Variants in PLEKHA5 observed in about 807,000 individuals in gnomAD.
The protein encoded by PLEKHA5 is pleckstrin homology domain-containing family A member 5.
Under a neutral mutation model 181.9 loss-of-function variants are expected in PLEKHA5, and 55 were observed. The ratio of observed to expected loss-of-function variants is 0.30; its 90% confidence interval spans 0.24 to 0.38. The LOEUF (loss-of-function observed/expected upper bound fraction) is 0.38. Among genes scored for constraint, PLEKHA5 ranks in the 10% least tolerant of loss-of-function variants. The pLI, the probability that PLEKHA5 is intolerant of heterozygous loss-of-function variation, is 1.00. For missense variants in PLEKHA5, 1,432 were observed against 1,549.5 expected, an observed-to-expected ratio of 0.92 and a Z score of 1.27; for synonymous variants, 535 against 529.4, an observed-to-expected ratio of 1.01 and a Z score of -0.15.
At chr12:19,364,241 C>G (rs927558612) in intron 29 of PLEKHA5, among the ~76,000 whole-genome samples, 2 of 152,100 alleles carry the variant, frequency 1.3e-5, no homozygotes, top group Non-Finnish European at 2.9e-5. Context: ...GGTGCAGTGG[C>G]TCGTGCCTGA....
intron 20 of PLEKHA5, among the ~76,000 whole-genome samples, chr12:19,329,659 T>A (rs1163649971): frequency 6.6e-6 from 1 of 152,198 alleles, no homozygotes. Context: ...CCTTTGTATG[T>A]CTGTGGGATC....
At position 19,274,878 on chromosome 12, in the gene PLEKHA5, T is replaced by C. The variant is rs1442631916; in HGVS notation, c.1208T>C (p.Leu403Ser). 14 of 1,613,676 alleles carry C rather than the reference T, an allele frequency of 8.7e-6. No homozygotes were observed. Among genetic ancestry groups the C allele is most frequent in the Non-Finnish European group, 8.5e-7 (1 of 1,179,892 alleles). The stretch of plus-strand genomic sequence containing the variant: ...GGAAATCGCCCCAATACAGGGCCCT[T>C]ATACACAGAGGCCGATCGAGTCATA... ...RGGNRPNTGP[L>S]YTEADRVIQR... Residue 403 changes from leucine to serine, a missense_variant, in exon 11 of 32, where the codon TTA (leucine) becomes TCA (serine). Transcript: ENST00000429027.
intron 3 of PLEKHA5, among the ~76,000 whole-genome samples, chr12:19,147,596 CTT>C (rs71064060): frequency 0.011 from 1,482 of 137,550 alleles, 21 homozygotes; most frequent in African/African-American, 0.031. Flanking sequence ...TTTCTTTTTT[CTT>C]TTTTTTTTTT....
chr12:19,350,908 T>C (rs1161836500), intron 25 of PLEKHA5, among the ~76,000 whole-genome samples: 1 of 152,072 alleles, frequency 6.6e-6, no homozygotes, highest in African/African-American at 2.4e-5. Context: ...ATTTAATATT[T>C]ATACACCTTT....
At chr12:19,250,654 G>A (rs2152518110) in intron 3 of PLEKHA5, among the ~76,000 whole-genome samples, 1 of 152,148 alleles carries the variant, frequency 6.6e-6, no homozygotes, top group African/African-American at 2.4e-5. Context: ...GATTCTTCTA[G>A]AAATACAAAT....
rs754921323 is a variant in PLEKHA5, at chr12:19,274,733, C to T, written c.1063C>T (p.Leu355=). The T allele has an allele frequency of 1.9e-6, 3 of 1,613,916 alleles. No individual in the cohort carries two copies. The highest frequency in any genetic ancestry group is 2.5e-6 in the Non-Finnish European group (3 of 1,179,886). Residue 355 remains leucine (L), a synonymous_variant, in exon 11 of 32, where the codon CTG becomes TTG. Transcript: ENST00000429027. ...TKINSVKLNS[L]PSEYESGSAC... ...AATTAATAGTGTAAAGCTGAATTCT[C>T]TGCCATCTGAATATGAGAGTGGGTC...
At chr12:19,197,918 T>A (rs560346671) in intron 3 of PLEKHA5, among the ~76,000 whole-genome samples, 1 of 152,262 alleles carries the variant, frequency 6.6e-6, no homozygotes, top group East Asian at 1.9e-4. Flanking sequence ...TTCCTTCAGT[T>A]AACATCACCC....
intron 3 of PLEKHA5, chr12:19,152,604 C>T (rs151216712): frequency 7.9e-5 from 12 of 152,244 alleles, no homozygotes; most frequent in African/African-American, 2.9e-4. Context: ...TTATATACTA[C>T]TTATATATGA....
intron 3 of PLEKHA5, among the ~76,000 whole-genome samples, chr12:19,167,067 T>C (rs541359604): frequency 4.6e-5 from 7 of 152,306 alleles, no homozygotes; most frequent in African/African-American, 1.7e-4. Context: ...ATGCCCCACC[T>C]TCCCCACCTC....
At chr12:19,146,085 G>A (rs1199081974) in intron 3 of PLEKHA5, among the ~76,000 whole-genome samples, 1 of 152,170 alleles carries the variant, frequency 6.6e-6, no homozygotes, top group African/African-American at 2.4e-5. Context: ...CCAAATCATT[G>A]GAGACATTTG....
intron 21 of PLEKHA5, among the ~76,000 whole-genome samples, chr12:19,337,548 CAAAAAAAAAAAAAA>C (rs1157232818): frequency 4.2e-4 from 26 of 61,688 alleles, no homozygotes; most frequent in African/African-American, 1.0e-4. Flanking sequence ...GACTCTATCT[CAAAAAAAAAAAAAA>C]AAAAAAAGAA....
chr12:19,205,371 A>G, intron 3 of PLEKHA5: 2 of 985,026 alleles, frequency 2.0e-6, no homozygotes, highest in Non-Finnish European at 2.4e-6. Flanking sequence ...GTCAGGAAGC[A>G]TGTAATTTGT....
At chr12:19,155,091 G>A (rs563660524) in intron 3 of PLEKHA5, among the ~76,000 whole-genome samples, 1 of 152,248 alleles carries the variant, frequency 6.6e-6, no homozygotes, top group Admixed American at 6.5e-5. Flanking sequence ...GGAGTAGAGT[G>A]CCACTCACAA....
intron 3 of PLEKHA5, among the ~76,000 whole-genome samples, chr12:19,251,528 T>C (rs558168959): frequency 6.6e-6 from 1 of 151,928 alleles, no homozygotes; most frequent in Non-Finnish European, 1.5e-5. Context: ...TGTGCAGATA[T>C]ACATTTTGTG....
chr12:19,350,163 C>A (rs2094524668), intron 25 of PLEKHA5, among the ~76,000 whole-genome samples: 1 of 151,992 alleles, frequency 6.6e-6, no homozygotes, highest in Non-Finnish European at 1.5e-5. Context: ...CTTGATTGGA[C>A]CATGGTTTAA....
chr12:19,332,811 CACCAT>C (rs2092981422), intron 20 of PLEKHA5, among the ~76,000 whole-genome samples: 1 of 152,178 alleles, frequency 6.6e-6, no homozygotes, highest in African/African-American at 2.4e-5. Context: ...AGACATGCGC[CACCAT>C]ACCTAATTTC....
chr12:19,180,828 T>C (rs1436715357), intron 3 of PLEKHA5, among the ~76,000 whole-genome samples: 12 of 151,616 alleles, frequency 7.9e-5, no homozygotes. Flanking sequence ...CCAAAGCCGA[T>C]TCCTGAGACT....
chr12:19,183,676 A>G (rs10770445), intron 3 of PLEKHA5, among the ~76,000 whole-genome samples: 135,610 of 152,184 alleles, frequency 0.89, 61,200 homozygotes, highest in Non-Finnish European at 0.97. Context: ...CAGCAGCTGG[A>G]TTGCTTGATA....
intron 20 of PLEKHA5, among the ~76,000 whole-genome samples, chr12:19,327,327 A>G (rs2092303534): frequency 1.4e-5 from 2 of 138,768 alleles, no homozygotes; most frequent in South Asian, 2.2e-4. Flanking sequence ...TTTAATTTGT[A>G]TTTCTCTGAT....
Sources: allele counts gnomAD v4.1 joint callset (sites outside exome capture counted in the v4.1 genomes callset), GRCh38; gene constraint gnomAD v4.1.1; transcripts MANE v1.5; gene names NCBI Gene and HGNC (gene_info 2026-07-23, HGNC 2026-07-21).